SCUBE1: variants seen among roughly 807,000 people sequenced by gnomAD.
SCUBE1 encodes the protein signal peptide, CUB domain and EGF like domain containing 1, also known as signal peptide, CUB and EGF-like domain-containing protein 1.
In SCUBE1, 59 loss-of-function variants were observed where a neutral mutation model predicts 124.4. The ratio of observed to expected loss-of-function variants is 0.47; its 90% CI spans 0.38 to 0.59. The LOEUF (loss-of-function observed/expected upper bound fraction) is 0.59, where lower values mean the gene tolerates loss of function less well. SCUBE1 is among the 20% of genes least tolerant of loss of function. The pLI is 0.00. For missense variants in SCUBE1, 1,150 were observed against 1,371.2 expected (o/e 0.84, Z 2.55); for synonymous variants, 545 against 550.9 (o/e 0.99, Z 0.15).
chr22:43,208,250 C>G (rs1921382891), intron 19 of SCUBE1, 26 bp from the exon 20 acceptor site: 1 of 1,612,678 alleles, frequency 6.2e-7, no homozygotes, highest in African/African-American at 1.3e-5. Context: ...CATTGCTGAG[C>G]TGCCACAGGT....
At chr22:43,259,206 T>C (rs1256171676) in intron 5 of SCUBE1, among the ~76,000 whole-genome samples, 1 of 152,154 alleles carries the variant, frequency 6.6e-6, no homozygotes, top group African/African-American at 2.4e-5. Context: ...GTGACCCAAG[T>C]GCTCCCCAGG....
chr22:43,321,183 C>G lies in SCUBE1; in HGVS notation c.221-1118G>C, dbSNP rs544266700. Among the ~76,000 whole-genome samples, 725 of 152,326 alleles carry G rather than the reference C, an allele frequency of 4.8e-3. 5 individuals are homozygous for G. The highest frequency in any genetic ancestry group is 0.016 in the African/African-American group (660 of 41,560). On this transcript the variant is annotated intron_variant, in intron 2 of 21. Coordinates refer to ENST00000360835, the MANE Select transcript of SCUBE1 (RefSeq NM_173050.5). ...ACGGAGTAGGAAGCCGGGGTCACTC[C>G]CCTATAGTGTAGAAGAGGGATTTTT...
chr22:43,262,608 C>G, intron 5 of SCUBE1, 112 bp downstream of exon 5: 1 of 1,292,694 alleles, frequency 7.7e-7, no homozygotes, highest in Non-Finnish European at 1.1e-6. Flanking sequence ...CTCTCCACCC[C>G]ATGGGGCTGG....
chr22:43,326,263 G>T (rs1021831645), intron 2 of SCUBE1, among the ~76,000 whole-genome samples: 2 of 152,134 alleles, frequency 1.3e-5, no homozygotes, highest in African/African-American at 4.8e-5. Context: ...CCCCTTTCCT[G>T]GCTGGGCGCT....
chr22:43,268,646 C>T (rs141169864), intron 4 of SCUBE1, among the ~76,000 whole-genome samples: 19 of 152,366 alleles, frequency 1.2e-4, no homozygotes, highest in East Asian at 3.9e-4. Context: ...CCCTGAACCT[C>T]GGTTTCCACC....
intron 17 of SCUBE1, 51 bp downstream of exon 17, chr22:43,212,374 T>C: frequency 1.3e-6 from 2 of 1,534,180 alleles, no homozygotes; most frequent in Non-Finnish European, 1.8e-6. Context: ...CTCGGAGCAG[T>C]GCAGCCCTGC....
intron 3 of SCUBE1, among the ~76,000 whole-genome samples, chr22:43,303,526 C>T (rs992723936): frequency 6.6e-6 from 1 of 152,240 alleles, no homozygotes; most frequent in African/African-American, 2.4e-5. Flanking sequence ...AGGCAGATGG[C>T]AGGCCACAGA....
At chr22:43,303,406 T>C (rs1336724728) in intron 3 of SCUBE1, among the ~76,000 whole-genome samples, 1 of 152,222 alleles carries the variant, frequency 6.6e-6, no homozygotes, top group African/African-American at 2.4e-5. Context: ...TGTGGGCTTG[T>C]TCCTTCCTGC....
intron 17 of SCUBE1, 114 bp downstream of exon 17, chr22:43,212,311 C>G: frequency 8.2e-7 from 1 of 1,223,090 alleles, no homozygotes; most frequent in Non-Finnish European, 1.1e-6. Context: ...GGCTCCTCCT[C>G]TGAGCTGGGA....
At chr22:43,271,726 C>G (rs1924299412) in intron 4 of SCUBE1, among the ~76,000 whole-genome samples, 1 of 152,146 alleles carries the variant, frequency 6.6e-6, no homozygotes, top group Non-Finnish European at 1.5e-5. Flanking sequence ...CCCCAGCTGG[C>G]CCCGAGCCCA....
At chr22:43,268,352 G>A (rs1924157418) in intron 4 of SCUBE1, among the ~76,000 whole-genome samples, 1 of 152,260 alleles carries the variant, frequency 6.6e-6, no homozygotes, top group African/African-American at 2.4e-5. Context: ...AGAGAGCCCT[G>A]CTGGTCTCCC....
Position 43,208,190 on chromosome 22 carries a change from G to A in SCUBE1, c.2616C>T (p.Cys872=), listed in dbSNP as rs1389941862. ...SPTSITTYET[C]QTYERPIAFT... Reference sequence around the variant, plus strand: ...AGGCGATGGGCCTCTCGTAGGTCTGGCAGGTCTCATAGGTGGTGATGGACG... The same window carrying A: ...AGGCGATGGGCCTCTCGTAGGTCTGACAGGTCTCATAGGTGGTGATGGACG... Residue 872 remains cysteine (C), a synonymous_variant, in exon 20 of 22, where the codon TGC becomes TGT. Coordinates refer to ENST00000360835, the MANE Select transcript of SCUBE1 (RefSeq NM_173050.5). 1.9e-6 allele frequency: 3 copies of A among 1,613,948 alleles called. No individual in the cohort carries two copies. The highest frequency in any genetic ancestry group is 1.1e-5 in the South Asian group (1 of 91,084).
intron 19 of SCUBE1, among the ~76,000 whole-genome samples, chr22:43,209,082 G>A (rs141794879): frequency 3.4e-4 from 52 of 152,312 alleles, no homozygotes; most frequent in African/African-American, 1.2e-3. Flanking sequence ...CGCACACTGC[G>A]GCTTTTGGCT....
At chr22:43,205,675 C>CCATCG (rs1921206603) in intron 21 of SCUBE1, among the ~76,000 whole-genome samples, 1 of 132,686 alleles carries the variant, frequency 7.5e-6, no homozygotes. Context: ...CACACCCACT[C>CCATCG]ACCACTCACT....
At chr22:43,221,608 A>T (rs1922094080) in intron 12 of SCUBE1, among the ~76,000 whole-genome samples, 1 of 152,172 alleles carries the variant, frequency 6.6e-6, no homozygotes, top group South Asian at 2.1e-4. Flanking sequence ...TGCTTTAGGA[A>T]AGAGCGTAGA....
chr22:43,307,465 GACA>G (rs1400190921), intron 3 of SCUBE1, among the ~76,000 whole-genome samples: 1 of 152,244 alleles, frequency 6.6e-6, no homozygotes, highest in African/African-American at 2.4e-5. Context: ...GAGCTGCGCA[GACA>G]ACGACTGCAT....
At chr22:43,250,452 G>A (rs1055998142) in intron 6 of SCUBE1, among the ~76,000 whole-genome samples, 2 of 152,212 alleles carry the variant, frequency 1.3e-5, no homozygotes, top group African/African-American at 4.8e-5. Context: ...ACTGCTTCTT[G>A]GGCAGTGTTC....
rs1023006995 is a variant in SCUBE1, at chr22:43,210,614, C to T, written c.2383+308G>A. Among the ~76,000 whole-genome samples, 1 of 152,228 alleles carries T rather than the reference C, an allele frequency of 6.6e-6. No homozygotes were observed. The highest frequency in any genetic ancestry group is 1.5e-5 in the Non-Finnish European group (1 of 68,032). The stretch of plus-strand genomic sequence containing the variant: ...AGTGCCCCTGTAGGCTGTCAGCCCC[C>T]CCAGCAGACCCAGAAACTAGAGCAG... On this transcript the variant is annotated intron_variant, in intron 18 of 21. Coordinates refer to ENST00000360835, the MANE Select transcript of SCUBE1 (RefSeq NM_173050.5). This position sits in a 1 kb window ranked among gnomAD's most constrained non-coding sequence, Gnocchi z 4.5.
chr22:43,314,133 G>A (rs1490983758), intron 3 of SCUBE1, among the ~76,000 whole-genome samples: 1 of 152,166 alleles, frequency 6.6e-6, no homozygotes, highest in East Asian at 1.9e-4. Context: ...AGGCAGCGGA[G>A]ACAGAGAACC....
Sources: allele counts gnomAD v4.1 joint callset (sites outside exome capture counted in the v4.1 genomes callset), GRCh38; gene constraint gnomAD v4.1.1; non-coding constraint Gnocchi (gnomAD v3.1); transcripts MANE v1.5; gene names NCBI Gene and HGNC (gene_info 2026-07-23, HGNC 2026-07-21).